Variants in ARHGEF12 observed in about 807,000 individuals in gnomAD.
ARHGEF12 encodes the protein Rho guanine nucleotide exchange factor 12, also known as KMT2A/ARHGEF12 fusion protein.
ARHGEF12 carries 66 observed loss-of-function variants against 211.2 expected under a neutral mutation model. That is an observed-to-expected ratio of 0.31 (90% CI 0.26 to 0.38). ARHGEF12 has a LOEUF of 0.38. ARHGEF12 is among the 10% of genes least tolerant of loss of function. The probability of loss-of-function intolerance (pLI) is 1.00; values close to 1 mark genes in which losing one functional copy is unlikely to be tolerated. For missense variants in ARHGEF12, 1,429 were observed against 1,869.5 expected (o/e 0.76, Z 4.34); for synonymous variants, 592 against 638.4 (o/e 0.93, Z 1.09).
At chr11:120,385,861 C>T (rs570294016) in intron 1 of ARHGEF12, among the ~76,000 whole-genome samples, 3 of 152,082 alleles carry the variant, frequency 2.0e-5, no homozygotes, top group South Asian at 2.1e-4. Context: ...GAGACTTTGA[C>T]GTATTATTCT....
chr11:120,339,724 C>T (rs1161986678), intron 1 of ARHGEF12, among the ~76,000 whole-genome samples: 4 of 152,134 alleles, frequency 2.6e-5, no homozygotes, highest in African/African-American at 7.2e-5. Context: ...CAGTTTGTGG[C>T]AGGCGACACA....
Position 120,378,736 on chromosome 11 carries a change from C to A in ARHGEF12, c.33-27382C>A, listed in dbSNP as rs1017003911. On this transcript the variant is annotated intron_variant, in intron 1 of 40. Transcript: ENST00000397843. ...CATTTGCAGAAAAGACTGTCCTTTT[C>A]CCGTTGAACTGCTTTGGCATCTGTG... Among the ~76,000 whole-genome samples, 4 of 152,190 alleles carry A rather than the reference C, an allele frequency of 2.6e-5. No homozygotes were observed. In the East Asian group the frequency reaches 7.7e-4, roughly 29 times the overall value.
At position 120,412,136 on chromosome 11, in the gene ARHGEF12, G is replaced by A. The variant is rs569946102; in HGVS notation, c.199+2686G>A. 5.9e-5 allele frequency among the ~76,000 whole-genome samples: 9 copies of A among 152,164 alleles called. No individual in the cohort carries two copies. The East Asian group carries it at 7.7e-4, about 13-fold the overall frequency. ...GAGTCTATTAAACGTGTATGGATGC[G>A]TTTTCTGATCTACAATTTTAATAAT... On this transcript the variant is annotated intron_variant, in intron 4 of 40. Coordinates refer to ENST00000397843, the MANE Select transcript of ARHGEF12 (RefSeq NM_015313.3).
At chr11:120,413,681 A>G (rs1008390891) in intron 4 of ARHGEF12, among the ~76,000 whole-genome samples, 1 of 152,220 alleles carries the variant, frequency 6.6e-6, no homozygotes, top group African/African-American at 2.4e-5. Context: ...TCAAAGGATT[A>G]TCTGAGGTCT....
intron 39 of ARHGEF12, among the ~76,000 whole-genome samples, chr11:120,483,442 T>A (rs1159785717): frequency 6.7e-6 from 1 of 148,434 alleles, no homozygotes; most frequent in Non-Finnish European, 1.5e-5. Context: ...TTTTTTTTTT[T>A]AAATGGAGTC....
Position 120,397,901 on chromosome 11 carries a change from A to C in ARHGEF12, c.33-8217A>C, listed in dbSNP as rs12421331. 2.7e-3 allele frequency among the ~76,000 whole-genome samples: 417 copies of C among 152,292 alleles called. 7 individuals carry two copies. Among genetic ancestry groups the C allele is most frequent in the Admixed American group, 0.02 (308 of 15,284 alleles). On this transcript the variant is annotated intron_variant, in intron 1 of 40. Coordinates refer to ENST00000397843, the MANE Select transcript of ARHGEF12 (RefSeq NM_015313.3). ...TTTTAAACATTGTATACAGAAATCT[A>C]TCTCTATTTTGGGAAAGAATGGGAA...
rs192004726 is a variant in ARHGEF12, at chr11:120,336,799, G to C, written c.-445G>C. On this transcript the variant is annotated 5_prime_UTR_variant, in exon 1 of 41. Coordinates refer to ENST00000397843, the MANE Select transcript of ARHGEF12 (RefSeq NM_015313.3). ...CGAGCAGCCGGCAGCCCCAGATAGA[G>C]AGCCGGGAGGGAGGGCCCCGGCCCT... 3.4e-3 allele frequency: 1,037 copies of C among 306,064 alleles called. 14 individuals carry two copies. The highest frequency in any genetic ancestry group is 0.021 in the African/African-American group (973 of 47,258). The allele number at this position is 306,064 out of a possible 1,614,324, so 19.0% of individuals were successfully genotyped here.
At chr11:120,357,337 A>G (rs1943158249) in intron 1 of ARHGEF12, among the ~76,000 whole-genome samples, 1 of 152,096 alleles carries the variant, frequency 6.6e-6, no homozygotes, top group African/African-American at 2.4e-5. Context: ...ACTGCCAGAT[A>G]TGGTCAGAGT....
At chr11:120,437,033 A>G (rs10502236) in intron 11 of ARHGEF12, among the ~76,000 whole-genome samples, 34,037 of 151,944 alleles carry the variant, frequency 0.22, 3,984 homozygotes, top group African/African-American at 0.24. Flanking sequence ...AGTATATCTA[A>G]TTATTTGGTA....
intron 1 of ARHGEF12, among the ~76,000 whole-genome samples, chr11:120,350,407 G>A (rs917909419): frequency 7.9e-5 from 12 of 151,806 alleles, no homozygotes; most frequent in African/African-American, 2.7e-4. Flanking sequence ...CCCAGCTGCT[G>A]GGGAGGCTGA....
chr11:120,484,156 G>A (rs1338588481), intron 39 of ARHGEF12, among the ~76,000 whole-genome samples: 2 of 152,226 alleles, frequency 1.3e-5, no homozygotes, highest in African/African-American at 4.8e-5. Flanking sequence ...CATGTCCAGG[G>A]TGACTCCTGG....
At chr11:120,351,257 G>T (rs1346448059) in intron 1 of ARHGEF12, among the ~76,000 whole-genome samples, 1 of 131,088 alleles carries the variant, frequency 7.6e-6, no homozygotes, top group Non-Finnish European at 1.6e-5. Context: ...AGACTGAGGA[G>T]AATGGCATGA....
chr11:120,352,264 G>A (rs1304002111), intron 1 of ARHGEF12, among the ~76,000 whole-genome samples: 2 of 152,094 alleles, frequency 1.3e-5, no homozygotes, highest in Non-Finnish European at 2.9e-5. Context: ...ATACACATCT[G>A]TAAACATTGA....
Position 120,337,055 on chromosome 11 carries a change from T to C in ARHGEF12, c.-189T>C. On this transcript the variant is annotated 5_prime_UTR_variant, in exon 1 of 41. Coordinates refer to ENST00000397843, the MANE Select transcript of ARHGEF12 (RefSeq NM_015313.3). ...TTCTCAGTTCGTTTTGGGAGATAAC[T>C]TGTTTTGCTCCAAGCCGCATCCGTT... The C allele has an allele frequency of 1.5e-6, 1 of 648,892 alleles. No homozygotes were observed. Among genetic ancestry groups the C allele is most frequent in the Non-Finnish European group, 2.7e-6 (1 of 364,778 alleles). 40.2% of individuals were successfully genotyped at this position (648,892 alleles called of 1,614,324 possible). A position where few individuals can be genotyped will look rare whatever the true frequency, so the allele number is the denominator to read the frequency against.
intron 1 of ARHGEF12, among the ~76,000 whole-genome samples, chr11:120,339,008 T>TC (rs1443762719): frequency 1.1e-3 from 159 of 148,118 alleles, no homozygotes; most frequent in African/African-American, 3.8e-3. Flanking sequence ...TCTTTTTCTT[T>TC]TTTTTTTTTT....
intron 1 of ARHGEF12, among the ~76,000 whole-genome samples, chr11:120,363,545 G>A (rs568126250): frequency 1.6e-4 from 24 of 152,262 alleles, no homozygotes; most frequent in African/African-American, 5.8e-4. Context: ...CTTTGGAAAG[G>A]AATGTTACCT....
intron 4 of ARHGEF12, among the ~76,000 whole-genome samples, chr11:120,419,893 C>G (rs1019135757): frequency 6.6e-6 from 1 of 152,194 alleles, no homozygotes; most frequent in Non-Finnish European, 1.5e-5. Flanking sequence ...TATGTTGTCT[C>G]TGGCTAACAC....
chr11:120,373,989 T>G (rs1195168517), intron 1 of ARHGEF12, among the ~76,000 whole-genome samples: 3 of 152,142 alleles, frequency 2.0e-5, no homozygotes, highest in Non-Finnish European at 4.4e-5. Context: ...GTATTTTTAG[T>G]AGAGACAAGG....
At chr11:120,459,729 G>T (rs574600839) in intron 26 of ARHGEF12, among the ~76,000 whole-genome samples, 6 of 152,024 alleles carry the variant, frequency 3.9e-5, no homozygotes, top group Middle Eastern at 6.8e-3. Flanking sequence ...ATTTTTTTGA[G>T]ATGGAGTCTC....
Sources: allele counts gnomAD v4.1 joint callset (sites outside exome capture counted in the v4.1 genomes callset), GRCh38; gene constraint gnomAD v4.1.1; transcripts MANE v1.5; gene names NCBI Gene and HGNC (gene_info 2026-07-23, HGNC 2026-07-21).